Variants in DCC observed in about 807,000 individuals in gnomAD.
DCC encodes the protein DCC netrin 1 receptor, also known as netrin receptor DCC.
Under a neutral mutation model 172.5 loss-of-function variants are expected in DCC, and 58 were observed. That is an observed-to-expected ratio of 0.34 (90% CI 0.27 to 0.42). The LOEUF is 0.42. Ranked by LOEUF, DCC falls within the 10% of genes least tolerant of loss-of-function variation. The pLI, the probability that DCC is intolerant of heterozygous loss-of-function variation, is 1.00. For missense variants in DCC, 1,740 were observed against 1,791.0 expected (o/e 0.97, Z 0.51); for synonymous variants, 709 against 644.5 (o/e 1.10, Z -1.52).
At chr18:53,198,392 T>A (rs1359317904) in intron 9 of DCC, among the ~76,000 whole-genome samples, 1 of 152,016 alleles carries the variant, frequency 6.6e-6, no homozygotes, top group South Asian at 2.1e-4. Flanking sequence ...ACACATCCTG[T>A]CATCTATAAT....
intron 24 of DCC, 135 bp downstream of exon 24, chr18:53,459,593 C>G: frequency 1.4e-6 from 1 of 698,156 alleles, no homozygotes; most frequent in South Asian, 1.5e-5. Context: ...TTAAATGGAT[C>G]TAATATAAAT....
At chr18:53,056,758 G>C (rs984029120) in intron 5 of DCC, among the ~76,000 whole-genome samples, 1 of 151,988 alleles carries the variant, frequency 6.6e-6, no homozygotes, top group Non-Finnish European at 1.5e-5. Flanking sequence ...CAGAATCACA[G>C]CCACTCAAAG....
In DCC at chr18:53,099,956, TTTTTG is replaced by T. The variant is rs1355891557; in HGVS notation, c.1261+33794_1261+33798del. Among the ~76,000 whole-genome samples the T allele has an allele frequency of 0.019, 2,433 of 128,674 alleles. 169 individuals carry two copies. The East Asian group carries it at 0.19, about 10-fold the overall frequency. The allele number at this position is 128,674 out of a possible 152,430, so 84.4% of individuals were successfully genotyped here. ...TTTTCTTTCTTTCTTTTTTTTTTTT[TTTTTG>T]TTTGAGACAGAGTCTTGCTTTGTTG... On this transcript the variant is annotated intron_variant, in intron 7 of 28. Coordinates refer to ENST00000442544, the MANE Select transcript of DCC (RefSeq NM_005215.4).
chr18:52,359,811 G>A (rs1334832672), intron 1 of DCC, among the ~76,000 whole-genome samples: 20 of 152,158 alleles, frequency 1.3e-4, no homozygotes, highest in Admixed American at 1.3e-3. Context: ...ACTGCTGTAT[G>A]TTCCCATATT....
intron 1 of DCC, among the ~76,000 whole-genome samples, chr18:52,398,280 A>G (rs1986307232): frequency 6.6e-6 from 1 of 151,944 alleles, no homozygotes; most frequent in Admixed American, 6.6e-5. Flanking sequence ...TTTCATTCAG[A>G]TATCTTAGAG....
At chr18:52,871,512 G>C (rs373410904) in intron 2 of DCC, among the ~76,000 whole-genome samples, 43 of 152,256 alleles carry the variant, frequency 2.8e-4, no homozygotes, top group Middle Eastern at 3.4e-3. Flanking sequence ...TTCCCAGGCT[G>C]GAGCACAGTG....
intron 5 of DCC, among the ~76,000 whole-genome samples, chr18:52,986,784 C>CATATATATACACACACGTGT: frequency 6.6e-6 from 1 of 150,982 alleles, no homozygotes; most frequent in African/African-American, 2.4e-5. Context: ...CATACATATG[C>CATATATATACACACACGTGT]ATATATATAC....
intron 23 of DCC, 93 bp from the exon 24 acceptor site, chr18:53,459,139 C>T (rs1166070563): frequency 7.4e-6 from 8 of 1,073,842 alleles, no homozygotes; most frequent in Non-Finnish European, 1.1e-5. Context: ...CCTTTTGTTT[C>T]CTTTCCTGCT....
chr18:52,776,521 A>G (rs996180809), intron 2 of DCC, among the ~76,000 whole-genome samples: 2 of 152,176 alleles, frequency 1.3e-5, no homozygotes, highest in Non-Finnish European at 2.9e-5. Context: ...GAAAACCAGA[A>G]AAGATTAAAT....
chr18:53,265,009 A>G (rs574975648), intron 12 of DCC, among the ~76,000 whole-genome samples: 1 of 152,204 alleles, frequency 6.6e-6, no homozygotes, highest in South Asian at 2.1e-4. Flanking sequence ...TCCTGTTCAC[A>G]TAATGCCCAG....
chr18:53,145,481 T>C (rs896581040), intron 7 of DCC, among the ~76,000 whole-genome samples: 3 of 152,184 alleles, frequency 2.0e-5, no homozygotes, highest in African/African-American at 7.2e-5. Flanking sequence ...TTGCCCTTTC[T>C]ACCTTGTGAG....
At chr18:53,007,825 T>C (rs2041668313) in intron 5 of DCC, among the ~76,000 whole-genome samples, 1 of 152,050 alleles carries the variant, frequency 6.6e-6, no homozygotes, top group Non-Finnish European at 1.5e-5. Flanking sequence ...AAATGATGGG[T>C]GATAGGGCCA....
chr18:52,598,766 G>T (rs1020365812), intron 1 of DCC, among the ~76,000 whole-genome samples: 2 of 152,198 alleles, frequency 1.3e-5, no homozygotes, highest in Non-Finnish European at 2.9e-5. Context: ...ATGAAGAACA[G>T]AAATTTATTT....
intron 1 of DCC, among the ~76,000 whole-genome samples, chr18:52,588,820 T>C (rs1598936008): frequency 6.6e-6 from 1 of 151,522 alleles, no homozygotes; most frequent in Non-Finnish European, 1.5e-5. Flanking sequence ...TTAAAAGCAG[T>C]GAGAAGCCAT....
chr18:52,387,476 T>C (rs549826244), intron 1 of DCC, among the ~76,000 whole-genome samples: 65 of 152,246 alleles, frequency 4.3e-4, no homozygotes, highest in African/African-American at 1.5e-3. Context: ...GCCCTTGCTA[T>C]GTGTTTGGAC....
chr18:53,155,023 C>T (rs2054706676), intron 7 of DCC, among the ~76,000 whole-genome samples: 1 of 151,916 alleles, frequency 6.6e-6, no homozygotes, highest in African/African-American at 2.4e-5. Flanking sequence ...TGTACTGATC[C>T]AGAGAGCAAG....
chr18:53,057,100 AAAAG>A (rs2042417804), intron 5 of DCC, among the ~76,000 whole-genome samples: 2 of 150,524 alleles, frequency 1.3e-5, no homozygotes, highest in Non-Finnish European at 3.0e-5. Flanking sequence ...AAAAAAAAAA[AAAAG>A]CAAGTCTTCA....
chr18:53,280,363 A>T (rs139796283), intron 12 of DCC, among the ~76,000 whole-genome samples: 6 of 151,932 alleles, frequency 3.9e-5, no homozygotes, highest in African/African-American at 1.4e-4. Context: ...GTTGATGTTG[A>T]TTTTTTTGGA....
chr18:52,391,441 CA>C (rs1432438778), intron 1 of DCC, among the ~76,000 whole-genome samples: 1 of 152,070 alleles, frequency 6.6e-6, no homozygotes, highest in Non-Finnish European at 1.5e-5. Flanking sequence ...ATAGTTTAAA[CA>C]GATTCAAAGA....
Sources: gnomAD v4.1 joint callset for allele counts (sites outside exome capture counted in the v4.1 genomes callset) on GRCh38, gnomAD v4.1.1 for gene constraint, MANE v1.5 for transcripts, NCBI Gene and HGNC (gene_info 2026-07-23, HGNC 2026-07-21) for gene names.